Variants in DLG2 observed in about 807,000 individuals in gnomAD.
DLG2 encodes the protein disks large homolog 2.
A neutral mutation model predicts 132.5 loss-of-function variants in DLG2; 45 were observed. The ratio of observed to expected loss-of-function variants is 0.34; its 90% CI spans 0.27 to 0.44. The LOEUF is 0.44. DLG2 is among the 20% of genes least tolerant of loss of function. DLG2 has a pLI of 1.00. For synonymous variants in DLG2, 424 were observed against 419.6 expected, an observed-to-expected ratio of 1.01 and a Z score of -0.13; for missense variants, 1,045 against 1,196.9, an observed-to-expected ratio of 0.87 and a Z score of 1.87.
intron 4 of DLG2, among the ~76,000 whole-genome samples, chr11:85,284,704 T>C (rs1324474365): frequency 6.6e-6 from 1 of 152,000 alleles, no homozygotes; most frequent in Non-Finnish European, 1.5e-5. Context: ...TTGCTTTATA[T>C]TTATTTTTAA....
intron 19 of DLG2, among the ~76,000 whole-genome samples, chr11:83,585,909 A>G (rs2097076616): frequency 6.6e-6 from 1 of 152,224 alleles, no homozygotes; most frequent in Non-Finnish European, 1.5e-5. Flanking sequence ...AAACCTGACA[A>G]TGCCTGAAGA....
chr11:83,787,071 A>G (rs1459419058), intron 17 of DLG2, among the ~76,000 whole-genome samples: 1 of 152,142 alleles, frequency 6.6e-6, no homozygotes, highest in African/African-American at 2.4e-5. Flanking sequence ...TGCCTCTGTG[A>G]GCTTCCTAGA....
chr11:85,601,216 C>T (rs2080132386), intron 2 of DLG2, among the ~76,000 whole-genome samples: 1 of 152,098 alleles, frequency 6.6e-6, no homozygotes, highest in African/African-American at 2.4e-5. Context: ...CTACATTGCC[C>T]AAGTTAGTCT....
intron 6 of DLG2, among the ~76,000 whole-genome samples, chr11:85,092,146 T>C (rs1243334217): frequency 6.6e-6 from 1 of 152,204 alleles, no homozygotes; most frequent in Non-Finnish European, 1.5e-5. Context: ...CACATTAATC[T>C]CCTTGTATTC....
intron 19 of DLG2, among the ~76,000 whole-genome samples, chr11:83,584,285 G>A (rs1017847257): frequency 5.3e-5 from 8 of 152,134 alleles, no homozygotes; most frequent in African/African-American, 1.4e-4. Context: ...TAAAACATTC[G>A]TCTTGTCAAT....
intron 19 of DLG2, among the ~76,000 whole-genome samples, chr11:83,613,497 A>G (rs1226035899): frequency 3.3e-5 from 5 of 152,186 alleles, no homozygotes; most frequent in Admixed American, 6.5e-5. Context: ...AACCTTTTCA[A>G]TCTGTTTTAC....
intron 7 of DLG2, among the ~76,000 whole-genome samples, chr11:84,530,451 A>T (rs1395504819): frequency 2.0e-5 from 3 of 152,224 alleles, no homozygotes; most frequent in African/African-American, 7.2e-5. Context: ...ATCCTTTAAA[A>T]AAAGTGGGAA....
At chr11:83,896,894 G>A (rs1176927430) in intron 15 of DLG2, among the ~76,000 whole-genome samples, 1 of 152,084 alleles carries the variant, frequency 6.6e-6, no homozygotes, top group African/African-American at 2.4e-5. Context: ...AAAATATAAA[G>A]CTTGAAACTA....
intron 9 of DLG2, among the ~76,000 whole-genome samples, chr11:84,114,018 A>G (rs1595541602): frequency 6.6e-6 from 1 of 152,158 alleles, no homozygotes; most frequent in East Asian, 1.9e-4. Flanking sequence ...GCCAGACATT[A>G]AAAAGATTTC....
intron 6 of DLG2, among the ~76,000 whole-genome samples, chr11:84,697,789 GT>G (rs1302749412): frequency 6.6e-6 from 1 of 151,384 alleles, no homozygotes; most frequent in Non-Finnish European, 1.5e-5. Flanking sequence ...GGTTTTCACA[GT>G]TTTTCTTTTC....
At position 84,580,623 on chromosome 11, in the gene DLG2, T is replaced by C. The variant is rs7119523; in HGVS notation, c.358-45892A>G. Among the ~76,000 whole-genome samples the C allele has an allele frequency of 4.9e-3, 748 of 152,320 alleles. 7 individuals carry two copies. Among genetic ancestry groups the C allele is most frequent in the African/African-American group, 0.017 (712 of 41,570 alleles). ...GCAGCAAGCAGCTGCTGTACTCTAA[T>C]TCAGCTCTGTCTCCTCGTATTTTGA... On this transcript the variant is annotated intron_variant, in intron 6 of 27. Transcript: ENST00000376104.
At chr11:84,345,661 T>A (rs1313253624) in intron 7 of DLG2, among the ~76,000 whole-genome samples, 1 of 152,048 alleles carries the variant, frequency 6.6e-6, no homozygotes, top group African/African-American at 2.4e-5. Context: ...TAACCTGAGG[T>A]TTCAAAATCC....
At chr11:84,742,726 A>G (rs1459520099) in intron 6 of DLG2, among the ~76,000 whole-genome samples, 2 of 152,212 alleles carry the variant, frequency 1.3e-5, no homozygotes, top group Non-Finnish European at 2.9e-5. Flanking sequence ...GGATAAATGC[A>G]TAATGACAGG....
chr11:85,584,502 C>A (rs1205163540), intron 3 of DLG2, among the ~76,000 whole-genome samples: 3 of 152,080 alleles, frequency 2.0e-5, no homozygotes, highest in Admixed American at 2.0e-4. Flanking sequence ...ATAATGACAT[C>A]TTTTCCTCTA....
intron 6 of DLG2, among the ~76,000 whole-genome samples, chr11:85,044,927 A>T (rs1383927639): frequency 6.6e-6 from 1 of 151,816 alleles, no homozygotes; most frequent in Non-Finnish European, 1.5e-5. Context: ...CACCTGAAAA[A>T]TTTTTCCTCC....
intron 7 of DLG2, among the ~76,000 whole-genome samples, chr11:84,356,441 T>G (rs2154417133): frequency 6.6e-6 from 1 of 152,144 alleles, no homozygotes; most frequent in South Asian, 2.1e-4. Flanking sequence ...CAAAACATAG[T>G]TGTTAAGAGC....
intron 6 of DLG2, among the ~76,000 whole-genome samples, chr11:85,057,252 T>C (rs770037645): frequency 7.9e-5 from 12 of 151,588 alleles, no homozygotes; most frequent in Non-Finnish European, 1.0e-4. Flanking sequence ...AAATGTAAAA[T>C]TGGAATTGCT....
At chr11:83,772,202 G>C (rs1220364699) in intron 18 of DLG2, among the ~76,000 whole-genome samples, 1 of 152,020 alleles carries the variant, frequency 6.6e-6, no homozygotes, top group African/African-American at 2.4e-5. Context: ...GAGCTCAGGA[G>C]TTTGAGGCCA....
chr11:85,017,241 A>T (rs1005624699), intron 6 of DLG2, among the ~76,000 whole-genome samples: 2 of 152,044 alleles, frequency 1.3e-5, no homozygotes. Context: ...ATGTTAGTTT[A>T]GGTGTTTTGG....
Sources: allele counts gnomAD v4.1 joint callset (sites outside exome capture counted in the v4.1 genomes callset), GRCh38; gene constraint gnomAD v4.1.1; transcripts MANE v1.5; gene names NCBI Gene and HGNC (gene_info 2026-07-23, HGNC 2026-07-21).